The following SUSD1 variants were observed in gnomAD, a reference collection of about 807,000 sequenced individuals.
The protein encoded by SUSD1 is sushi domain-containing protein 1.
Under a neutral mutation model 86.9 loss-of-function variants are expected in SUSD1, and 65 were observed. That is an observed-to-expected ratio of 0.75 (90% CI 0.61 to 0.92). The LOEUF is 0.92. SUSD1 is among the 40% of genes least tolerant of loss of function. The probability of loss-of-function intolerance (pLI) is 0.00; values close to 1 mark genes in which losing one functional copy is unlikely to be tolerated. For synonymous variants in SUSD1, 346 were observed against 350.0 expected, an observed-to-expected ratio of 0.99 and a Z score of 0.13; for missense variants, 850 against 929.7, an observed-to-expected ratio of 0.91 and a Z score of 1.11.
At position 112,080,402 on chromosome 9, in the gene SUSD1, A is replaced by C. The variant is rs554533876; in HGVS notation, c.1475-237T>G. Among the ~76,000 whole-genome samples the C allele has an allele frequency of 8.5e-5, 13 of 152,234 alleles. No individual in the cohort carries two copies. The South Asian group carries it at 2.5e-3, about 29-fold the overall frequency. ...GAGGACCCCTCTTAAGAATTATTTG[A>C]GTGGGCCGGGCACAGTGGCTCACGC... On this transcript the variant is annotated intron_variant, in intron 10 of 16. Transcript: ENST00000374270.
intron 8 of SUSD1, among the ~76,000 whole-genome samples, chr9:112,105,795 C>T (rs1365488028): frequency 1.3e-5 from 2 of 152,162 alleles, no homozygotes; most frequent in East Asian, 3.8e-4. Context: ...CCGTCCACTA[C>T]CCAGACGGAG....
intron 5 of SUSD1, among the ~76,000 whole-genome samples, chr9:112,128,542 T>C (rs554507452): frequency 6.6e-6 from 1 of 152,252 alleles, no homozygotes; most frequent in South Asian, 2.1e-4. Flanking sequence ...TACAGGTGCC[T>C]GCAACCACGC....
chr9:112,060,822 C>G (rs946881370), intron 13 of SUSD1, among the ~76,000 whole-genome samples: 3 of 152,168 alleles, frequency 2.0e-5, no homozygotes, highest in Non-Finnish European at 4.4e-5. Flanking sequence ...CACCTCCATG[C>G]GGTCCATAAG....
At chr9:112,147,618 A>C (rs1368275155) in intron 3 of SUSD1, among the ~76,000 whole-genome samples, 1 of 151,888 alleles carries the variant, frequency 6.6e-6, no homozygotes, top group East Asian at 1.9e-4. Context: ...AAAGTACAAA[A>C]ATTAGCCAGT....
At chr9:112,117,672 C>A (rs1031459148) in intron 6 of SUSD1, among the ~76,000 whole-genome samples, 41 of 152,006 alleles carry the variant, frequency 2.7e-4, no homozygotes, top group African/African-American at 9.9e-4. Context: ...TATATAATGA[C>A]CACCTCTCCT....
At chr9:112,104,229 G>T (rs1830742661) in intron 8 of SUSD1, among the ~76,000 whole-genome samples, 1 of 151,670 alleles carries the variant, frequency 6.6e-6, no homozygotes. Context: ...ATGTCCCCAG[G>T]CTGGTTTCAA....
At chr9:112,102,422 A>G (rs1171002530) in intron 8 of SUSD1, 137 bp from the exon 9 acceptor site, 3 of 445,616 alleles carry the variant, frequency 6.7e-6, no homozygotes, top group African/African-American at 6.1e-5. Flanking sequence ...AACTGGCATC[A>G]GCAGACTTAG....
intron 15 of SUSD1, among the ~76,000 whole-genome samples, chr9:112,051,408 C>CTTTTTT (rs746946192): frequency 0.013 from 963 of 76,666 alleles, no homozygotes; most frequent in Middle Eastern, 0.022. Context: ...TTTTTCTTTT[C>CTTTTTT]TTTTTTTTTT....
intron 8 of SUSD1, among the ~76,000 whole-genome samples, chr9:112,107,254 CAAAAAAAAAAA>C (rs71382407): frequency 9.1e-5 from 6 of 66,202 alleles, no homozygotes; most frequent in Non-Finnish European, 1.3e-4. Flanking sequence ...GACCATATCT[CAAAAAAAAAAA>C]AAAAAAAAGA....
intron 5 of SUSD1, 111 bp from the exon 6 acceptor site, chr9:112,124,547 G>A: frequency 2.9e-6 from 3 of 1,027,662 alleles, no homozygotes; most frequent in South Asian, 2.4e-5. Flanking sequence ...AACAGGAAAA[G>A]AGAAAACACT....
intron 10 of SUSD1, among the ~76,000 whole-genome samples, chr9:112,080,372 A>C (rs1441839775): frequency 6.6e-6 from 1 of 152,188 alleles, no homozygotes; most frequent in Non-Finnish European, 1.5e-5. Context: ...AAAGATACCT[A>C]ATCGGAGGAC....
At chr9:112,076,893 G>C (rs1362851496) in intron 12 of SUSD1, among the ~76,000 whole-genome samples, 1 of 152,154 alleles carries the variant, frequency 6.6e-6, no homozygotes, top group African/African-American at 2.4e-5. Flanking sequence ...CTGGCCATTG[G>C]ATTTGGCAAG....
chr9:112,101,356 G>C (rs539257327), intron 9 of SUSD1, among the ~76,000 whole-genome samples: 1 of 151,664 alleles, frequency 6.6e-6, no homozygotes, highest in Non-Finnish European at 1.5e-5. Context: ...AGCAAGACTC[G>C]GTCTCAAAAA....
At chr9:112,073,763 T>C (rs1829393414) in intron 12 of SUSD1, among the ~76,000 whole-genome samples, 1 of 152,016 alleles carries the variant, frequency 6.6e-6, no homozygotes, top group African/African-American at 2.4e-5. Flanking sequence ...GCTGGTGATG[T>C]GTGCCTGTAA....
chr9:112,115,904 G>A (rs1251699895), intron 6 of SUSD1, among the ~76,000 whole-genome samples: 3 of 151,440 alleles, frequency 2.0e-5, no homozygotes, highest in Admixed American at 1.3e-4. Context: ...CGCCCCCTTG[G>A]GTAGCATAAA....
chr9:112,051,431 T>TTTTTTTTTTTTTTG (rs1828201117), intron 15 of SUSD1, among the ~76,000 whole-genome samples: 1 of 109,766 alleles, frequency 9.1e-6, no homozygotes, highest in Non-Finnish European at 1.9e-5. Flanking sequence ...TTTTTTTTTT[T>TTTTTTTTTTTTTTG]TTGTTGTTGT....
chr9:112,071,265 C>T (rs1400076311), intron 12 of SUSD1, among the ~76,000 whole-genome samples: 1 of 152,066 alleles, frequency 6.6e-6, no homozygotes, highest in African/African-American at 2.4e-5. Flanking sequence ...AGTTTGAGAC[C>T]AGCCTGGGCA....
chr9:112,147,451 A>G (rs577703422), intron 3 of SUSD1, among the ~76,000 whole-genome samples: 11 of 152,218 alleles, frequency 7.2e-5, no homozygotes, highest in African/African-American at 2.6e-4. Context: ...CAGGAGGCAG[A>G]GGTTGCAGTG....
At chr9:112,117,201 C>T (rs1177262338) in intron 6 of SUSD1, among the ~76,000 whole-genome samples, 1 of 152,226 alleles carries the variant, frequency 6.6e-6, no homozygotes, top group Non-Finnish European at 1.5e-5. Flanking sequence ...CAGTCTCCCA[C>T]AGCCTCCTCA....
Sources: allele counts gnomAD v4.1 joint callset (sites outside exome capture counted in the v4.1 genomes callset), GRCh38; gene constraint gnomAD v4.1.1; transcripts MANE v1.5; gene names NCBI Gene and HGNC (gene_info 2026-07-23, HGNC 2026-07-21).